Variants in EMC7 observed in about 807,000 individuals in gnomAD.
EMC7 encodes the protein ER membrane protein complex subunit 7, also known as endoplasmic reticulum membrane protein complex subunit 7.
EMC7 carries 4 observed loss-of-function variants against 24.4 expected under a neutral mutation model. That is an observed-to-expected ratio of 0.16 (90% CI 0.08 to 0.38). EMC7 has a LOEUF of 0.38. Ranked by LOEUF, EMC7 falls within the 10% of genes least tolerant of loss-of-function variation. The pLI, the probability that EMC7 is intolerant of heterozygous loss-of-function variation, is 1.00. For synonymous variants in EMC7, 106 were observed against 112.0 expected (o/e 0.95, Z 0.34); for missense variants, 221 against 300.6 (o/e 0.74, Z 1.96).
intron 2 of EMC7, among the ~76,000 whole-genome samples, chr15:34,094,711 A>C (rs1006740933): frequency 2.0e-5 from 3 of 152,016 alleles, no homozygotes; most frequent in Non-Finnish European, 4.4e-5. Flanking sequence ...CAAAAAAAAA[A>C]AGAATATTCT....
intron 2 of EMC7, among the ~76,000 whole-genome samples, chr15:34,094,307 G>A (rs1187363098): frequency 6.6e-6 from 1 of 151,832 alleles, no homozygotes; most frequent in African/African-American, 2.4e-5. Context: ...TTTGGGAGGC[G>A]GGCAGATCAC....
At chr15:34,089,382 G>A (rs986689493) in intron 3 of EMC7, among the ~76,000 whole-genome samples, 10 of 152,178 alleles carry the variant, frequency 6.6e-5, no homozygotes, top group Admixed American at 1.3e-4. Flanking sequence ...AATACACATC[G>A]TATGCCTATA....
chr15:34,089,774 T>C (rs574385997), intron 3 of EMC7, among the ~76,000 whole-genome samples: 1 of 152,256 alleles, frequency 6.6e-6, no homozygotes, highest in East Asian at 1.9e-4. Context: ...CTGGCCAAGA[T>C]GGAGAAACTC....
chr15:34,100,231 CTGAGGA>C (rs1425426913), intron 1 of EMC7, among the ~76,000 whole-genome samples: 7 of 152,174 alleles, frequency 4.6e-5, no homozygotes, highest in Non-Finnish European at 1.0e-4. Flanking sequence ...GTCCTATCTA[CTGAGGA>C]GGCTGAGACA....
rs757683222 is a variant in EMC7 at position 34,101,667 on chromosome 15, G to A, written c.173C>T (p.Pro58Leu). Reference sequence around the variant, plus strand: ...TCGGGCCGCCGAGATCCAGTCCTGAGGCTTCACCCCTGGAACAACTGCACG... The same window carrying A: ...TCGGGCCGCCGAGATCCAGTCCTGAAGCTTCACCCCTGGAACAACTGCACG... The part of the protein sequence containing the change: ...EGRAVVPGVK[P>L]QDWISAARVL... The change falls in exon 1 of 5, where the codon CCT becomes CTT. Residue 58 changes from proline (P) to leucine (L), a missense_variant. This residue lies in a region of EMC7 where 156 missense variants were observed against 177.1 expected (regional missense o/e 0.88). Transcript: ENST00000256545. 3.1e-6 allele frequency: 5 copies of A among 1,613,616 alleles called. No individual in the cohort carries two copies. In the South Asian group the frequency reaches 5.5e-5, roughly 18 times the overall value.
intron 4 of EMC7, chr15:34,086,010 CTG>C (rs1453275621): frequency 1.1e-5 from 3 of 272,332 alleles, no homozygotes; most frequent in African/African-American, 6.8e-5. Flanking sequence ...GGAGGAAACA[CTG>C]TGAGTAATCT....
intron 1 of EMC7, among the ~76,000 whole-genome samples, chr15:34,101,366 C>G (rs1033410456): frequency 6.6e-6 from 1 of 152,152 alleles, no homozygotes; most frequent in Non-Finnish European, 1.5e-5. Context: ...AAATAACTGA[C>G]TCCATGCTCT....
At chr15:34,097,546 T>A (rs2140872020) in intron 1 of EMC7, among the ~76,000 whole-genome samples, 1 of 152,228 alleles carries the variant, frequency 6.6e-6, no homozygotes, top group South Asian at 2.1e-4. Context: ...AGATCAAAAT[T>A]AATTTGTTTG....
At chr15:34,094,857 G>A (rs957774872) in intron 2 of EMC7, among the ~76,000 whole-genome samples, 1 of 152,108 alleles carries the variant, frequency 6.6e-6, no homozygotes, top group Non-Finnish European at 1.5e-5. Context: ...TAAAGGATGG[G>A]ACAACTCCAT....
rs140273811 is a variant in EMC7 at position 34,090,375 on chromosome 15, G to A, written c.437C>T (p.Pro146Leu). The A allele has an allele frequency of 3.7e-6, 6 of 1,613,996 alleles. No homozygotes were observed. The highest frequency in any genetic ancestry group is 2.2e-5 in the East Asian group (1 of 44,842). Residue 146 changes from proline (P) to leucine (L), a missense_variant, in exon 3 of 5, where the codon CCT (proline) becomes CTT (leucine). Transcript: ENST00000256545. ...YPLQMKSSGP[P>L]SYFIKRESWG... ...CGATTCCCTTTTAATAAAGTAAGAAGGTGGACCTGAAGATTTCATTTGGAG... is the reference window on the plus strand; with the variant it reads ...CGATTCCCTTTTAATAAAGTAAGAAAGTGGACCTGAAGATTTCATTTGGAG...
chr15:34,097,208 T>C (rs1257512990), intron 1 of EMC7, among the ~76,000 whole-genome samples: 2 of 151,990 alleles, frequency 1.3e-5, no homozygotes, highest in African/African-American at 4.8e-5. Flanking sequence ...TAATTTTTTG[T>C]ATTTTTAGTA....
intron 3 of EMC7, among the ~76,000 whole-genome samples, chr15:34,090,106 C>T (rs1045491486): frequency 1.3e-5 from 2 of 152,170 alleles, no homozygotes; most frequent in Non-Finnish European, 2.9e-5. Context: ...TTACACATTT[C>T]AATAATCAAA....
At chr15:34,093,806 C>CACATAT (rs61440619) in intron 2 of EMC7, among the ~76,000 whole-genome samples, 1 of 30,248 alleles carries the variant, frequency 3.3e-5, no homozygotes, top group African/African-American at 8.7e-5. Flanking sequence ...CACACACACA[C>CACATAT]ATATATATAT....
At chr15:34,093,532 A>G (rs1001105038) in intron 2 of EMC7, among the ~76,000 whole-genome samples, 3 of 151,740 alleles carry the variant, frequency 2.0e-5, no homozygotes, top group African/African-American at 7.3e-5. Flanking sequence ...TATTTTATTC[A>G]AAATTTAACC....
At chr15:34,086,226 T>G (rs74904031) in intron 4 of EMC7, 4,548 of 363,534 alleles carry the variant, frequency 0.013, 143 homozygotes, top group Admixed American at 0.071. Context: ...AAGCTAAATT[T>G]TGACATATTG....
chr15:34,084,142 G>A lies in EMC7; in HGVS notation c.*192C>T. Reference sequence around the variant, plus strand: ...GTGACATCAATATTGACCTCATACAGACAAAAGATGAAAGCTGGGTTTTCT... The same window carrying A: ...GTGACATCAATATTGACCTCATACAAACAAAAGATGAAAGCTGGGTTTTCT... On this transcript the variant is annotated 3_prime_UTR_variant, in exon 5 of 5. Coordinates refer to ENST00000256545, the MANE Select transcript of EMC7 (RefSeq NM_020154.3). 1.7e-6 allele frequency: 1 copy of A among 604,828 alleles called. No homozygotes were observed. Among genetic ancestry groups the A allele is most frequent in the Non-Finnish European group, 2.7e-6 (1 of 365,144 alleles). 37.5% of individuals were successfully genotyped at this position (604,828 alleles called of 1,614,324 possible).
At position 34,101,770 on chromosome 15, in the gene EMC7, A is replaced by T; in HGVS notation, c.70T>A (p.Ser24Thr). ...TCAGCAGCAGCCCCGGGCACCTCCG[A>T]GCTCTGGACATCCCCCGATAGCAGC... ...LLLLSGDVQS[S>T]EVPGAAAEGS... Residue 24 changes from serine (S) to threonine (T), a missense_variant, in exon 1 of 5, where the codon TCG (serine) becomes ACG (threonine). Ser to Thr is a moderately conservative substitution (Grantham distance 58). This residue lies in a region of EMC7 where 156 missense variants were observed against 177.1 expected (regional missense o/e 0.88). Transcript: ENST00000256545. The T allele has an allele frequency of 1.2e-6, 2 of 1,613,402 alleles. No individual in the cohort carries two copies. Among genetic ancestry groups the T allele is most frequent in the Non-Finnish European group, 1.7e-6 (2 of 1,179,942 alleles).
chr15:34,096,333 G>C (rs1373848335), intron 1 of EMC7, among the ~76,000 whole-genome samples: 1 of 152,046 alleles, frequency 6.6e-6, no homozygotes, highest in Non-Finnish European at 1.5e-5. Context: ...ATCATGCCCA[G>C]CTAATTTTTG....
At position 34,101,781 on chromosome 15, in the gene EMC7, TC is replaced by T; in HGVS notation, c.58del (p.Asp20MetfsTer22). The T allele has an allele frequency of 6.2e-7, 1 of 1,612,602 alleles. No homozygotes were observed. ...CCCGGGCACCTCCGAGCTCTGGACA[TC>T]CCCCGATAGCAGCAGCAGCAGCAGG... is the stretch of plus-strand genomic sequence containing the variant. ...PVLLLLLLSG[D>X]VQSSEVPGAA... On this transcript the variant is annotated frameshift_variant, in exon 1 of 5. Transcript: ENST00000256545. LOFTEE classifies it high-confidence loss of function.
Sources: allele counts gnomAD v4.1 joint callset (sites outside exome capture counted in the v4.1 genomes callset), GRCh38; gene constraint gnomAD v4.1.1; regional missense constraint gnomAD v4.1.1; transcripts MANE v1.5; gene names NCBI Gene and HGNC (gene_info 2026-07-23, HGNC 2026-07-21).